SFRP1: variants seen among roughly 807,000 people sequenced by gnomAD.
The protein encoded by SFRP1 is secreted frizzled-related protein 1.
SFRP1 carries 9 observed loss-of-function variants against 25.9 expected under a neutral mutation model. The ratio of observed to expected loss-of-function variants is 0.35; its 90% CI spans 0.21 to 0.61. SFRP1 has a LOEUF of 0.61. Among genes scored for constraint, SFRP1 ranks in the 20% least tolerant of loss-of-function variants. The pLI, the probability that SFRP1 is intolerant of heterozygous loss-of-function variation, is 0.78. For synonymous variants in SFRP1, 178 were observed against 174.0 expected, an observed-to-expected ratio of 1.02 and a Z score of -0.18; for missense variants, 346 against 418.2, an observed-to-expected ratio of 0.83 and a Z score of 1.51.
At position 41,265,410 on chromosome 8, in the gene SFRP1, C is replaced by T; in HGVS notation, c.702G>A (p.Lys234=). The stretch of plus-strand genomic sequence containing the variant: ...GGTCCTTCTTCTTGATGGGCCCCAA[C>T]TTCAGGGGCTTCTTCTTCTTGGGGA... ...KIVPKKKKPL[K]LGPIKKKDLK... Residue 234 remains lysine, a synonymous_variant, in exon 3 of 3, where the codon AAG becomes AAA. Transcript: ENST00000220772. The T allele has an allele frequency of 6.2e-7, 1 of 1,613,418 alleles. No individual in the cohort carries two copies. Among genetic ancestry groups the T allele is most frequent in the Non-Finnish European group, 8.5e-7 (1 of 1,179,896 alleles).
Position 41,309,000 on chromosome 8 carries a change from T to C in SFRP1, c.160A>G (p.Lys54Glu), listed in dbSNP as rs747605410. The stretch of plus-strand genomic sequence containing the variant: ...GGGATGTCCACGCACTGAGGTGGCT[T>C]GGTGTAGAAGCGCCCGCTCTGGTAC... Reference protein sequence around the residue: ...GPYQSGRFYTKPPQCVDIPAD... With the variant: ...GPYQSGRFYTEPPQCVDIPAD... Residue 54 changes from lysine (K) to glutamate (E), a missense_variant, in exon 1 of 3, where the codon AAG becomes GAG. Physicochemically the swap from Lys to Glu is moderately conservative, Grantham distance 56. Transcript: ENST00000220772. The C allele has an allele frequency of 1.7e-5, 28 of 1,612,672 alleles. No homozygotes were observed. The highest frequency in any genetic ancestry group is 2.4e-5 in the Non-Finnish European group (28 of 1,179,888).
At chr8:41,274,779 C>T (rs7003243) in intron 2 of SFRP1, among the ~76,000 whole-genome samples, 73,537 of 151,912 alleles carry the variant, frequency 0.48, 18,332 homozygotes, top group African/African-American at 0.61. Flanking sequence ...ACTATATTTA[C>T]GTTGAATCAA....
intron 2 of SFRP1, among the ~76,000 whole-genome samples, chr8:41,289,760 C>T (rs1260053983): frequency 6.6e-6 from 1 of 152,182 alleles, no homozygotes; most frequent in African/African-American, 2.4e-5. Context: ...AACAAAATAC[C>T]AAGACCATAG....
At chr8:41,269,933 C>G (rs1240464900) in intron 2 of SFRP1, among the ~76,000 whole-genome samples, 1 of 152,214 alleles carries the variant, frequency 6.6e-6, no homozygotes, top group African/African-American at 2.4e-5. Flanking sequence ...ACTGTAAATG[C>G]CACGGGAGGC....
chr8:41,291,919 G>A (rs1803784098), intron 2 of SFRP1, among the ~76,000 whole-genome samples: 2 of 152,124 alleles, frequency 1.3e-5, no homozygotes, highest in Non-Finnish European at 2.9e-5. Context: ...GCCTCAAACA[G>A]GCCCCAGGAG....
At position 41,309,226 on chromosome 8, in the gene SFRP1, C is replaced by T. The variant is rs1804040583; in HGVS notation, c.-67G>A. On this transcript the variant is annotated 5_prime_UTR_variant, in exon 1 of 3. Coordinates refer to ENST00000220772, the MANE Select transcript of SFRP1 (RefSeq NM_003012.5). ...CCGCCGCCTCCCCGCGCGCGTCCTG[C>T]CGCAAACTTCCAGGGACCTCCGGGG... is the stretch of plus-strand genomic sequence containing the variant. 2 of 1,263,070 alleles carry T rather than the reference C, an allele frequency of 1.6e-6. No individual in the cohort carries two copies. The allele number at this position is 1,263,070 out of a possible 1,614,324, so 78.2% of individuals were successfully genotyped here.
chr8:41,279,145 A>G (rs1803605058), intron 2 of SFRP1, among the ~76,000 whole-genome samples: 1 of 152,116 alleles, frequency 6.6e-6, no homozygotes, highest in South Asian at 2.1e-4. Flanking sequence ...AAACGCATCC[A>G]ATCTCTGTTC....
In SFRP1 at chr8:41,266,179, C is replaced by T. The variant is rs143772511; in HGVS notation, c.623-690G>A. Among the ~76,000 whole-genome samples, 600 of 151,666 alleles carry T rather than the reference C, an allele frequency of 4.0e-3. 20 individuals carry two copies. The South Asian group carries it at 0.066, about 17-fold the overall frequency. ...AGACTCCATCTCAAAAAAAAAAAAT[C>T]AAGGTCTCAGTTACCCATTCTGCCA... On this transcript the variant is annotated intron_variant, in intron 2 of 2. Coordinates refer to ENST00000220772, the MANE Select transcript of SFRP1 (RefSeq NM_003012.5).
intron 2 of SFRP1, among the ~76,000 whole-genome samples, chr8:41,297,923 G>C (rs1488959165): frequency 6.6e-6 from 1 of 152,184 alleles, no homozygotes; most frequent in Non-Finnish European, 1.5e-5. Flanking sequence ...CTACCTTCCT[G>C]CTTGATGGGT....
chr8:41,265,498 G>A lies in SFRP1; in HGVS notation c.623-9C>T. 2 of 1,591,086 alleles carry A rather than the reference G, an allele frequency of 1.3e-6. No homozygotes were observed. Among genetic ancestry groups the A allele is most frequent in the Non-Finnish European group, 1.7e-6 (2 of 1,171,284 alleles). ...TATTTTCATCCTCAGTGCTAGAGAT[G>A]GAGAGGACAGAAGAAGAGAAAAGAG... On this transcript the variant is annotated splice_polypyrimidine_tract_variant and intron_variant, in intron 2 of 2. Coordinates refer to ENST00000220772, the MANE Select transcript of SFRP1 (RefSeq NM_003012.5).
In SFRP1 at chr8:41,265,345, C is replaced by T; in HGVS notation, c.767G>A (p.Cys256Tyr). The change falls in exon 3 of 3, where the codon TGT becomes TAT. Residue 256 changes from cysteine (C) to tyrosine (Y), a missense_variant. Coordinates refer to ENST00000220772, the MANE Select transcript of SFRP1 (RefSeq NM_003012.5). Reference protein sequence around the residue: ...LVLYLKNGADCPCHQLDNLSH... With the variant: ...LVLYLKNGADYPCHQLDNLSH... ...GAGGTTGTCCAGCTGGTGGCAGGGACAGTCAGCCCCATTCTTCAGGTACAG... is the reference window on the plus strand; with the variant it reads ...GAGGTTGTCCAGCTGGTGGCAGGGATAGTCAGCCCCATTCTTCAGGTACAG... The T allele has an allele frequency of 6.2e-7, 1 of 1,614,092 alleles. No homozygotes were observed. The highest frequency in any genetic ancestry group is 8.5e-7 in the Non-Finnish European group (1 of 1,180,040).
At chr8:41,284,596 A>G (rs1803675860) in intron 2 of SFRP1, among the ~76,000 whole-genome samples, 1 of 152,222 alleles carries the variant, frequency 6.6e-6, no homozygotes, top group Non-Finnish European at 1.5e-5. Flanking sequence ...ACAGCAGCTC[A>G]GGGCAGCAGC....
intron 2 of SFRP1, among the ~76,000 whole-genome samples, chr8:41,270,067 C>T (rs543880386): frequency 1.3e-5 from 2 of 152,302 alleles, no homozygotes; most frequent in East Asian, 3.9e-4. Flanking sequence ...GAGCACTTCA[C>T]TGGGTGATTA....
At chr8:41,286,148 A>G (rs918408472) in intron 2 of SFRP1, among the ~76,000 whole-genome samples, 12 of 151,912 alleles carry the variant, frequency 7.9e-5, no homozygotes, top group Admixed American at 1.3e-4. Context: ...CGATGAACCC[A>G]AGAGAGAGAA....
At chr8:41,300,110 A>C (rs1385493971) in intron 2 of SFRP1, among the ~76,000 whole-genome samples, 2 of 152,178 alleles carry the variant, frequency 1.3e-5, no homozygotes, top group Non-Finnish European at 2.9e-5. Flanking sequence ...ACTGTCCCCC[A>C]AACAGCAGCA....
intron 2 of SFRP1, chr8:41,298,220 A>T (rs1803867783): frequency 6.6e-6 from 1 of 152,198 alleles, no homozygotes; most frequent in Admixed American, 6.5e-5. Context: ...TCACATGGCC[A>T]CCATGCAAGG....
chr8:41,301,376 G>A (rs956568498), intron 2 of SFRP1, among the ~76,000 whole-genome samples: 3 of 152,054 alleles, frequency 2.0e-5, no homozygotes, highest in Non-Finnish European at 2.9e-5. Flanking sequence ...TAGGAAACAC[G>A]TTTCTCGACA....
intron 2 of SFRP1, among the ~76,000 whole-genome samples, chr8:41,291,755 T>A (rs947524821): frequency 6.6e-6 from 1 of 152,162 alleles, no homozygotes; most frequent in Non-Finnish European, 1.5e-5. Context: ...CAGCCTTGAC[T>A]GGGTCTCTGA....
chr8:41,295,441 A>G (rs969635947), intron 2 of SFRP1, among the ~76,000 whole-genome samples: 2 of 151,844 alleles, frequency 1.3e-5, no homozygotes, highest in Non-Finnish European at 2.9e-5. Flanking sequence ...AGGCAGAAAA[A>G]TTCCTTGAAC....
Sources: gnomAD v4.1 joint callset for allele counts (sites outside exome capture counted in the v4.1 genomes callset) on GRCh38, gnomAD v4.1.1 for gene constraint, MANE v1.5 for transcripts, NCBI Gene and HGNC (gene_info 2026-07-23, HGNC 2026-07-21) for gene names.